Variants in ZNF678 observed in about 807,000 individuals in gnomAD.
The protein encoded by ZNF678 is hypothetical protein MGC42493.
In ZNF678, 5 loss-of-function variants were observed where a neutral mutation model predicts 3.0. The observed-to-expected ratio is 1.69, with a 90% CI of 0.88 to 3.56. The LOEUF is 3.56. ZNF678 is among the 30% of genes most tolerant of loss of function. ZNF678 has a pLI of 0.00. For synonymous variants in ZNF678, 218 were observed against 199.6 expected (o/e 1.09, Z -0.78); for missense variants, 593 against 605.0 (o/e 0.98, Z 0.21).
intron 1 of ZNF678, among the ~76,000 whole-genome samples, chr1:227,612,395 C>T (rs2102761450): frequency 6.6e-6 from 1 of 152,324 alleles, no homozygotes; most frequent in East Asian, 1.9e-4. Context: ...AATGGGTAAT[C>T]AGTGGTGGTC....
rs1306687785 is a variant in ZNF678, at chr1:227,657,444, A to AT, written c.*1623dup. 6.6e-6 allele frequency: 1 copy of AT among 151,766 alleles called. No individual in the cohort carries two copies. Among genetic ancestry groups the AT allele is most frequent in the African/African-American group, 2.4e-5 (1 of 41,364 alleles). The allele number at this position is 151,766 out of a possible 1,614,324, so 9.4% of individuals were successfully genotyped here. ...CTAACATCCCATAGGTTATATTTTT[A>AT]TTTTTTTCTTTTGTAAATACTGGAC... On this transcript the variant is annotated 3_prime_UTR_variant, in exon 4 of 4. Transcript: ENST00000343776.
intron 1 of ZNF678, among the ~76,000 whole-genome samples, chr1:227,592,934 T>C (rs1212899489): frequency 6.6e-6 from 1 of 152,238 alleles, no homozygotes; most frequent in Non-Finnish European, 1.5e-5. Flanking sequence ...GCTGACTGAT[T>C]CATAAGCTCT....
intron 1 of ZNF678, among the ~76,000 whole-genome samples, chr1:227,608,184 A>G (rs1204565796): frequency 2.0e-5 from 3 of 152,126 alleles, no homozygotes; most frequent in African/African-American, 7.2e-5. Context: ...GTAAATTGTA[A>G]CCAAAAAGTA....
intron 1 of ZNF678, among the ~76,000 whole-genome samples, chr1:227,618,033 C>T (rs1571890179): frequency 6.6e-6 from 1 of 152,288 alleles, no homozygotes; most frequent in East Asian, 1.9e-4. Context: ...TATAGCCACC[C>T]CTGAGTGTCC....
intron 1 of ZNF678, among the ~76,000 whole-genome samples, chr1:227,579,640 T>C (rs1005528200): frequency 2.0e-5 from 3 of 152,112 alleles, no homozygotes; most frequent in Admixed American, 2.0e-4. Context: ...GTCATCTCGC[T>C]GGAGGTCTTC....
intron 1 of ZNF678, among the ~76,000 whole-genome samples, chr1:227,627,296 CA>C (rs899172699): frequency 6.6e-6 from 1 of 151,986 alleles, no homozygotes; most frequent in Non-Finnish European, 1.5e-5. Flanking sequence ...GGTGGCTAGC[CA>C]TCCTGAGGGG....
chr1:227,612,934 C>G (rs1234232783), intron 1 of ZNF678, among the ~76,000 whole-genome samples: 1 of 152,196 alleles, frequency 6.6e-6, no homozygotes, highest in Non-Finnish European at 1.5e-5. Context: ...TGTGTCAGTC[C>G]TGGCCCCTTT....
intron 1 of ZNF678, among the ~76,000 whole-genome samples, chr1:227,626,246 G>A (rs766210160): frequency 6.6e-6 from 1 of 152,214 alleles, no homozygotes; most frequent in Non-Finnish European, 1.5e-5. Flanking sequence ...TCCTCTAGAA[G>A]TTCACAGGAA....
intron 1 of ZNF678, among the ~76,000 whole-genome samples, chr1:227,626,168 G>C (rs1341404514): frequency 1.3e-5 from 2 of 152,134 alleles, no homozygotes; most frequent in Admixed American, 6.5e-5. Context: ...ATATGACAAG[G>C]GAGGGCCATG....
downstream of ZNF678, among the ~76,000 whole-genome samples, chr1:227,679,447 A>G (rs1425720499): frequency 6.6e-6 from 1 of 152,118 alleles, no homozygotes; most frequent in Non-Finnish European, 1.5e-5. Context: ...ATGGAAAAGC[A>G]TTGTAAAAAT....
chr1:227,563,707 C>A lies in ZNF678; in HGVS notation c.-181C>A. 7.5e-7 allele frequency: 1 copy of A among 1,332,070 alleles called. No homozygotes were observed. Among genetic ancestry groups the A allele is most frequent in the Non-Finnish European group, 1.0e-6 (1 of 1,002,836 alleles). 82.5% of individuals were successfully genotyped at this position (1,332,070 alleles called of 1,614,324 possible). On this transcript the variant is annotated 5_prime_UTR_variant, in exon 1 of 4. Coordinates refer to ENST00000343776, the MANE Select transcript of ZNF678 (RefSeq NM_001367909.1). ...TTACATAGCTAAGATGCCAGGACACCCCGAAAGCCGGAAAACGGTGAGAGT... is the reference window on the plus strand; with the variant it reads ...TTACATAGCTAAGATGCCAGGACACACCGAAAGCCGGAAAACGGTGAGAGT...
intron 5 of ZNF678, among the ~76,000 whole-genome samples, chr1:227,669,541 C>T (rs1005157833): frequency 2.0e-5 from 3 of 151,408 alleles, no homozygotes; most frequent in African/African-American, 4.9e-5. Flanking sequence ...CCCAGCTACT[C>T]AGGAGGCTGA....
intron 1 of ZNF678, among the ~76,000 whole-genome samples, chr1:227,612,190 C>T (rs1411017496): frequency 6.6e-6 from 1 of 152,166 alleles, no homozygotes; most frequent in African/African-American, 2.4e-5. Flanking sequence ...ATAAACCCTT[C>T]CAGCTGCAGA....
At chr1:227,677,348 T>G (rs1049631952) in exon 6 of ZNF678, 6 of 152,134 alleles carry the variant, frequency 3.9e-5, no homozygotes, top group Non-Finnish European at 7.3e-5. Flanking sequence ...TGCAAACAGC[T>G]GAACAAAGGT....
intron 1 of ZNF678, among the ~76,000 whole-genome samples, chr1:227,597,131 GATT>G (rs1657613008): frequency 6.6e-6 from 1 of 152,162 alleles, no homozygotes; most frequent in South Asian, 2.1e-4. Flanking sequence ...TGTTTCTATA[GATT>G]ATAGATTAAC....
At chr1:227,617,903 C>G (rs570074140) in intron 1 of ZNF678, among the ~76,000 whole-genome samples, 5 of 152,296 alleles carry the variant, frequency 3.3e-5, no homozygotes, top group Non-Finnish European at 7.3e-5. Flanking sequence ...GTCAGCGTCT[C>G]TCTCCAGCCA....
chr1:227,580,702 G>C (rs1357619856), intron 1 of ZNF678, among the ~76,000 whole-genome samples: 1 of 152,262 alleles, frequency 6.6e-6, no homozygotes, highest in East Asian at 1.9e-4. Flanking sequence ...GGCCAAGGCA[G>C]GCGGATCATC....
At chr1:227,667,048 C>T (rs1659514897), downstream of ZNF678, among the ~76,000 whole-genome samples, 1 of 151,424 alleles carries the variant, frequency 6.6e-6, no homozygotes, top group Non-Finnish European at 1.5e-5. Flanking sequence ...CCCGGCCTCT[C>T]CTCTTTTTTT....
intron 1 of ZNF678, among the ~76,000 whole-genome samples, chr1:227,605,186 T>G (rs1210496857): frequency 6.6e-6 from 1 of 152,174 alleles, no homozygotes; most frequent in Non-Finnish European, 1.5e-5. Flanking sequence ...GTTTTTCTCT[T>G]TAGAGTTTTT....
Sources: allele counts gnomAD v4.1 joint callset (sites outside exome capture counted in the v4.1 genomes callset), GRCh38; gene constraint gnomAD v4.1.1; transcripts MANE v1.5; gene names NCBI Gene and HGNC (gene_info 2026-07-23, HGNC 2026-07-21).